Variants in OSMR observed in about 807,000 individuals in gnomAD.
The protein encoded by OSMR is oncostatin-M-specific receptor subunit beta.
OSMR carries 81 observed loss-of-function variants against 99.9 expected under a neutral mutation model. The ratio of observed to expected loss-of-function variants is 0.81; its 90% confidence interval spans 0.68 to 0.97. The LOEUF is 0.97. Among genes scored for constraint, OSMR ranks in the 50% least tolerant of loss-of-function variants. The probability of loss-of-function intolerance (pLI) is 0.00; values close to 1 mark genes in which losing one functional copy is unlikely to be tolerated. For missense variants in OSMR, 1,099 were observed against 1,153.4 expected (o/e 0.95, Z 0.68); for synonymous variants, 406 against 410.4 (o/e 0.99, Z 0.13).
intron 1 of OSMR, among the ~76,000 whole-genome samples, chr5:38,848,981 A>G (rs1405726850): frequency 6.6e-6 from 1 of 151,898 alleles, no homozygotes; most frequent in Non-Finnish European, 1.5e-5. Flanking sequence ...TCTCTCCATG[A>G]TGCCCAGACT....
chr5:38,925,159 A>C, intron 14 of OSMR, 45 bp from the exon 15 acceptor site: 1 of 1,612,048 alleles, frequency 6.2e-7, no homozygotes. Flanking sequence ...ACTTTTAATA[A>C]AATCTTTTTT....
At chr5:38,886,466 C>T (rs774344584) in intron 7 of OSMR, 23 of 654,010 alleles carry the variant, frequency 3.5e-5, no homozygotes, top group Non-Finnish European at 4.4e-5. Flanking sequence ...CATCCTGTAA[C>T]GCCCCCACCT....
At chr5:38,918,298 G>A (rs1025689048) in intron 10 of OSMR, among the ~76,000 whole-genome samples, 5 of 152,130 alleles carry the variant, frequency 3.3e-5, no homozygotes, top group Non-Finnish European at 5.9e-5. Flanking sequence ...CCAGGGGAGG[G>A]GAGGCCTGAG....
intron 7 of OSMR, among the ~76,000 whole-genome samples, chr5:38,902,510 T>C (rs1163005042): frequency 6.6e-6 from 1 of 152,262 alleles, no homozygotes; most frequent in East Asian, 1.9e-4. Context: ...AATATTGTCA[T>C]GTGGGCTCCA....
chr5:38,931,304 C>T (rs986433339), intron 15 of OSMR, among the ~76,000 whole-genome samples: 8 of 152,096 alleles, frequency 5.3e-5, no homozygotes, highest in African/African-American at 7.2e-5. Flanking sequence ...ACAGGTCAGC[C>T]GAGACTTGGC....
intron 7 of OSMR, among the ~76,000 whole-genome samples, chr5:38,898,340 A>G (rs886261677): frequency 2.0e-5 from 3 of 152,214 alleles, no homozygotes; most frequent in African/African-American, 7.2e-5. Context: ...CCCCTTTATA[A>G]TTACGTAATG....
intron 2 of OSMR, among the ~76,000 whole-genome samples, chr5:38,869,325 C>T (rs1006322067): frequency 6.6e-6 from 1 of 152,196 alleles, no homozygotes; most frequent in African/African-American, 2.4e-5. Context: ...CTTAATAAGC[C>T]ACCCTTTGAC....
At chr5:38,871,737 A>G (rs1207968724) in intron 2 of OSMR, among the ~76,000 whole-genome samples, 3 of 152,248 alleles carry the variant, frequency 2.0e-5, no homozygotes. Context: ...TAAAAGTTAA[A>G]TTATAGTATA....
intron 1 of OSMR, among the ~76,000 whole-genome samples, chr5:38,864,645 A>G (rs1043725231): frequency 6.7e-6 from 1 of 150,210 alleles, no homozygotes; most frequent in African/African-American, 2.5e-5. Context: ...GGGTTTCCTT[A>G]TATATGACTT....
chr5:38,922,998 A>C (rs1385480303), intron 12 of OSMR, 152 bp from the exon 13 acceptor site: 1 of 770,938 alleles, frequency 1.3e-6, no homozygotes, highest in Non-Finnish European at 2.1e-6. Flanking sequence ...CTGGTCTCCA[A>C]CTCCTGGCCT....
chr5:38,857,367 A>G (rs1355271040), intron 1 of OSMR, among the ~76,000 whole-genome samples: 1 of 152,144 alleles, frequency 6.6e-6, no homozygotes, highest in Non-Finnish European at 1.5e-5. Flanking sequence ...GGATATTTTA[A>G]ATTTCAAAGT....
intron 7 of OSMR, among the ~76,000 whole-genome samples, chr5:38,887,260 TATAA>T (rs569067348): frequency 6.6e-6 from 1 of 152,352 alleles, no homozygotes; most frequent in African/African-American, 2.4e-5. Context: ...CAGATAATTT[TATAA>T]AAATATTTTA....
chr5:38,861,840 A>T (rs2112142752), intron 1 of OSMR, among the ~76,000 whole-genome samples: 1 of 140,062 alleles, frequency 7.1e-6, no homozygotes, highest in African/African-American at 2.7e-5. Flanking sequence ...GGCGCCCCTC[A>T]CCTCACAGAC....
intron 7 of OSMR, among the ~76,000 whole-genome samples, chr5:38,894,375 GAATTA>G (rs942597734): frequency 4.6e-5 from 7 of 150,698 alleles, no homozygotes; most frequent in Non-Finnish European, 8.9e-5. Flanking sequence ...AAGGCACAGT[GAATTA>G]AATTAATTAT....
chr5:38,925,329 C>T lies in OSMR; in HGVS notation c.2170C>T (p.Pro724Ser), dbSNP rs760079810. The T allele has an allele frequency of 1.2e-6, 2 of 1,613,886 alleles. No individual in the cohort carries two copies. Among genetic ancestry groups the T allele is most frequent in the Middle Eastern group, 1.6e-4 (1 of 6,084 alleles). ...TCCATTCACTAGTGCTGGTGAAGGC[C>T]CCAGTGCTACGTTCACGAAGGTCAC... ...ITPFTSAGEG[P>S]SATFTKVTTP... Residue 724 changes from proline to serine, a missense_variant, in exon 15 of 18, where the codon CCC (proline) becomes TCC (serine). Physicochemically the swap from Pro to Ser is moderately conservative, Grantham distance 74 (BLOSUM62 -1). Transcript: ENST00000274276.
intron 15 of OSMR, among the ~76,000 whole-genome samples, chr5:38,928,421 G>A (rs559676843): frequency 2.4e-4 from 37 of 152,312 alleles, no homozygotes; most frequent in African/African-American, 7.9e-4. Flanking sequence ...GGTTCTGCAT[G>A]GCTGAGGAGG....
chr5:38,927,843 A>C (rs1001644978), intron 15 of OSMR, among the ~76,000 whole-genome samples: 1 of 152,120 alleles, frequency 6.6e-6, no homozygotes, highest in African/African-American at 2.4e-5. Context: ...TCAGGTTGCA[A>C]ATTTTCTAAA....
chr5:38,897,112 A>AT (rs1744572453), intron 7 of OSMR, among the ~76,000 whole-genome samples: 1 of 151,522 alleles, frequency 6.6e-6, no homozygotes, highest in African/African-American at 2.4e-5. Flanking sequence ...TGTAGTTTTC[A>AT]TTTTTTTATC....
chr5:38,937,742 T>C (rs1196747294), downstream of OSMR, among the ~76,000 whole-genome samples: 1 of 152,232 alleles, frequency 6.6e-6, no homozygotes, highest in Non-Finnish European at 1.5e-5. This position sits in a 1 kb window ranked among gnomAD's most constrained non-coding sequence, Gnocchi z 4.0. Flanking sequence ...TGTTTAATTA[T>C]GAAGTGTTTA....
Sources: gnomAD v4.1 joint callset for allele counts (sites outside exome capture counted in the v4.1 genomes callset) on GRCh38, gnomAD v4.1.1 for gene constraint, Gnocchi (gnomAD v3.1) non-coding constraint, MANE v1.5 for transcripts, NCBI Gene and HGNC (gene_info 2026-07-23, HGNC 2026-07-21) for gene names.